Variants in ZNRF3 observed in about 807,000 individuals in gnomAD.
ZNRF3 encodes the protein E3 ubiquitin-protein ligase ZNRF3.
A neutral mutation model predicts 72.5 loss-of-function variants in ZNRF3; 23 were observed. That is an observed-to-expected ratio of 0.32 (90% CI 0.23 to 0.45). The LOEUF (loss-of-function observed/expected upper bound fraction) is 0.45. Among genes scored for constraint, ZNRF3 ranks in the 20% least tolerant of loss-of-function variants. ZNRF3 has a pLI of 1.00. For missense variants in ZNRF3, 1,169 were observed against 1,272.1 expected, an observed-to-expected ratio of 0.92 and a Z score of 1.23; for synonymous variants, 610 against 545.3, an observed-to-expected ratio of 1.12 and a Z score of -1.65.
intron 2 of ZNRF3, among the ~76,000 whole-genome samples, chr22:28,993,501 C>G (rs1259932215): frequency 1.3e-5 from 2 of 152,166 alleles, no homozygotes; most frequent in Non-Finnish European, 2.9e-5. Context: ...TAACCCACGT[C>G]CAGCCCTCAG....
chr22:29,003,993 A>C (rs2123845900), intron 2 of ZNRF3, among the ~76,000 whole-genome samples: 1 of 152,352 alleles, frequency 6.6e-6, no homozygotes, highest in Middle Eastern at 3.4e-3. Context: ...AGAGATTTGG[A>C]GTTAAAAAGT....
At chr22:29,047,574 T>C (rs1022949389) in intron 6 of ZNRF3, among the ~76,000 whole-genome samples, 2 of 152,216 alleles carry the variant, frequency 1.3e-5, no homozygotes, top group African/African-American at 4.8e-5. Context: ...CTTTGTGATC[T>C]TGGGCAAGTG....
intron 1 of ZNRF3, among the ~76,000 whole-genome samples, chr22:28,937,559 A>G (rs1009097529): frequency 6.6e-6 from 1 of 152,128 alleles, no homozygotes; most frequent in South Asian, 2.1e-4. Context: ...GTGTTCTCAA[A>G]CTTGCATCTA....
intron 1 of ZNRF3, among the ~76,000 whole-genome samples, chr22:28,896,793 A>G (rs1202584592): frequency 6.6e-6 from 1 of 152,214 alleles, no homozygotes; most frequent in Non-Finnish European, 1.5e-5. Context: ...AAATAAAGGT[A>G]GCTTGTGGCT....
chr22:28,960,826 C>G (rs1307908125), intron 1 of ZNRF3, among the ~76,000 whole-genome samples: 1 of 152,148 alleles, frequency 6.6e-6, no homozygotes, highest in East Asian at 1.9e-4. Context: ...TCCAATTCCA[C>G]TAGTAGGGTT....
In ZNRF3 at chr22:29,049,691, A is replaced by C. The variant is rs1184135329; in HGVS notation, c.1510A>C (p.Ser504Arg). 1.0e-5 allele frequency: 16 copies of C among 1,606,592 alleles called. No individual in the cohort carries two copies. The highest frequency in any genetic ancestry group is 8.9e-5 in the East Asian group (4 of 44,826). ...GPARAFPPSG[S>R]GSLLFPTVVH... Reference sequence around the variant, plus strand: ...GGCCCGTGCCTTTCCTCCGAGCGGCAGTGGCAGCCTGCTCTTCCCCACCGT... The same window carrying C: ...GGCCCGTGCCTTTCCTCCGAGCGGCCGTGGCAGCCTGCTCTTCCCCACCGT... Residue 504 changes from serine to arginine, a missense_variant, in exon 8 of 9, where the codon AGT becomes CGT. Ser to Arg is a moderately radical substitution (Grantham distance 110). This residue lies in a region of ZNRF3 where 783 missense variants were observed against 731.4 expected (regional missense o/e 1.07). Transcript: ENST00000544604. This position sits in a 1 kb window ranked among gnomAD's most constrained non-coding sequence, Gnocchi z 5.2.
At chr22:28,933,712 A>ACCCCCCCCCCCCCCCCCCCCCCCCC (rs2034757596) in intron 1 of ZNRF3, among the ~76,000 whole-genome samples, 1 of 25,362 alleles carries the variant, frequency 3.9e-5, no homozygotes, top group African/African-American at 1.6e-4. Flanking sequence ...TCACACCCCC[A>ACCCCCCCCCCCCCCCCCCCCCCCCC]CCCCCACCCC....
At chr22:29,013,538 T>A (rs527440715) in intron 2 of ZNRF3, among the ~76,000 whole-genome samples, 1 of 152,362 alleles carries the variant, frequency 6.6e-6, no homozygotes, top group South Asian at 2.1e-4. Flanking sequence ...ATGTGCTGAT[T>A]AAATGGCAAA....
chr22:29,045,021 C>A, intron 5 of ZNRF3, 131 bp downstream of exon 5: 1 of 672,814 alleles, frequency 1.5e-6, no homozygotes, highest in Non-Finnish European at 2.6e-6. Context: ...CTGAGCTCTG[C>A]AGCCTGTTCC....
chr22:28,986,941 T>C, intron 1 of ZNRF3, 135 bp from the exon 2 acceptor site: 1 of 1,220,358 alleles, frequency 8.2e-7, no homozygotes. Context: ...TCCCCTTGGG[T>C]TGAAAAACTG....
rs371728159 is a variant in ZNRF3 at position 29,043,421 on chromosome 22, C to T, written c.624C>T (p.Arg208=). ...TGGCTCGAGCAAGGATCCAGCACCG[C>T]CCTCCTCGAGTGAGCCTCCGCACCA... ...QKVARARIQH[R]PPRQPTEYFD... Residue 208 remains arginine (R), a synonymous_variant, in exon 4 of 9, where the codon CGC becomes CGT. Transcript: ENST00000544604. 148 of 1,613,334 alleles carry T rather than the reference C, an allele frequency of 9.2e-5. No individual in the cohort carries two copies. Among genetic ancestry groups the T allele is most frequent in the Non-Finnish European group, 1.2e-4 (138 of 1,179,974 alleles).
At chr22:28,963,585 G>A (rs1181798003) in intron 1 of ZNRF3, among the ~76,000 whole-genome samples, 2 of 152,160 alleles carry the variant, frequency 1.3e-5, no homozygotes, top group Non-Finnish European at 2.9e-5. Context: ...CTCTGATCCT[G>A]GAGCAGGGGG....
chr22:29,047,581 A>G (rs1275999246), intron 6 of ZNRF3, among the ~76,000 whole-genome samples: 1 of 152,194 alleles, frequency 6.6e-6, no homozygotes, highest in Non-Finnish European at 1.5e-5. Context: ...ATCTTGGGCA[A>G]GTGACTTCGT....
rs1332879771 is a variant in ZNRF3, at chr22:29,046,832, C to T, written c.861C>T (p.Ser287=). 6.2e-7 allele frequency: 1 copy of T among 1,609,874 alleles called. No homozygotes were observed. ...GTGGGGCCCTGGACACACTCAGCAG[C>T]AGCTCCACGTCCGACTGTGCCATCT... is the stretch of plus-strand genomic sequence containing the variant. ...GSCGALDTLS[S]SSTSDCAICL... Residue 287 remains serine (S), a synonymous_variant, in exon 6 of 9, where the codon AGC becomes AGT. Coordinates refer to ENST00000544604, the MANE Select transcript of ZNRF3 (RefSeq NM_001206998.2).
At chr22:29,018,339 G>T in intron 2 of ZNRF3, 1 of 207,598 alleles carries the variant, frequency 4.8e-6, no homozygotes, top group Non-Finnish European at 1.0e-5. Flanking sequence ...TGAGAGAAGA[G>T]GAGGAAGATT....
At chr22:29,020,582 C>T (rs1240577365) in intron 2 of ZNRF3, among the ~76,000 whole-genome samples, 4 of 151,718 alleles carry the variant, frequency 2.6e-5, no homozygotes, top group South Asian at 2.1e-4. Context: ...TTTTCTTTTC[C>T]GAGTATTTTT....
intron 2 of ZNRF3, among the ~76,000 whole-genome samples, chr22:28,988,824 T>C (rs1177268646): frequency 6.6e-6 from 1 of 152,194 alleles, no homozygotes; most frequent in African/African-American, 2.4e-5. Flanking sequence ...TGCCCCGGTC[T>C]GGTGGGGCTC....
rs778209636 is a variant in ZNRF3 at position 29,053,646 on chromosome 22, A to G, written c.*24A>G. The G allele has an allele frequency of 6.2e-7, 1 of 1,611,240 alleles. No homozygotes were observed. The highest frequency in any genetic ancestry group is 1.1e-5 in the South Asian group (1 of 90,728). Reference sequence around the variant, plus strand: ...GAGCTCAGGAGGAACTCTTACCTGGAAATTGGGAACTGTATGGAGACTCCA... The same window carrying G: ...GAGCTCAGGAGGAACTCTTACCTGGGAATTGGGAACTGTATGGAGACTCCA... On this transcript the variant is annotated 3_prime_UTR_variant, in exon 9 of 9. Transcript: ENST00000544604.
intron 1 of ZNRF3, among the ~76,000 whole-genome samples, chr22:28,946,536 G>A (rs1318147485): frequency 6.6e-6 from 1 of 152,230 alleles, no homozygotes; most frequent in African/African-American, 2.4e-5. Flanking sequence ...GGTTGTTTAT[G>A]AGAAAGTCCA....
Sources: allele counts gnomAD v4.1 joint callset (sites outside exome capture counted in the v4.1 genomes callset), GRCh38; gene constraint gnomAD v4.1.1; regional missense constraint gnomAD v4.1.1; non-coding constraint Gnocchi (gnomAD v3.1); transcripts MANE v1.5; gene names NCBI Gene and HGNC (gene_info 2026-07-23, HGNC 2026-07-21).